Variants in HDAC3 observed in about 807,000 individuals in gnomAD.
HDAC3 encodes the protein histone deacetylase 3.
In HDAC3, 21 loss-of-function variants were observed where a neutral mutation model predicts 62.3. The observed-to-expected ratio is 0.34, with a 90% CI of 0.24 to 0.49. HDAC3 has a LOEUF of 0.49. Among genes scored for constraint, HDAC3 ranks in the 20% least tolerant of loss-of-function variants. HDAC3 has a pLI of 0.99. For missense variants in HDAC3, 270 were observed against 556.9 expected (o/e 0.48, Z 5.19); for synonymous variants, 198 against 206.5 (o/e 0.96, Z 0.35).
intron 14 of HDAC3, chr5:141,624,952 A>G: frequency 2.4e-6 from 1 of 422,404 alleles, no homozygotes; most frequent in South Asian, 3.5e-5. Flanking sequence ...AAAAACTATT[A>G]ACAGTGGTTA....
chr5:141,626,005 G>T lies in HDAC3; in HGVS notation c.979+8C>A. The stretch of plus-strand genomic sequence containing the variant: ...CCTGTTATGGGGGTGTTGTGGGGTG[G>T]TCCTTACCACTATAGGGAAGCTCCT... On this transcript the variant is annotated splice_region_variant and intron_variant, in intron 12 of 14. Transcript: ENST00000305264. The surrounding 1 kb of genome is among the most constrained non-coding windows in gnomAD (Gnocchi z 4.6). The T allele has an allele frequency of 1.2e-6, 2 of 1,610,936 alleles. No homozygotes were observed. Among genetic ancestry groups the T allele is most frequent in the Non-Finnish European group, 1.7e-6 (2 of 1,177,162 alleles).
In HDAC3 at chr5:141,628,589, C is replaced by G. The variant is rs374747159; in HGVS notation, c.661G>C (p.Val221Leu). 1 of 1,613,982 alleles carries G rather than the reference C, an allele frequency of 6.2e-7. No homozygotes were observed. The highest frequency in any genetic ancestry group is 1.7e-5 in the Admixed American group (1 of 60,002). ...TCATCAATGCCATCCCGCAGGGGCA[C>G]GTTCAGACAGTAGTAGCGGCCACTC... ...AESGRYYCLNVPLRDGIDDQS... is the reference protein window; with the variant it reads ...AESGRYYCLNLPLRDGIDDQS... Residue 221 changes from valine to leucine, a missense_variant, in exon 8 of 15, where the codon GTG (valine) becomes CTG (leucine). Val to Leu is a conservative substitution (Grantham distance 32). Coordinates refer to ENST00000305264, the MANE Select transcript of HDAC3 (RefSeq NM_003883.4). This position sits in a 1 kb window ranked among gnomAD's most constrained non-coding sequence, Gnocchi z 4.7.
chr5:141,628,238 C>T lies in HDAC3; in HGVS notation c.692-51G>A. 1 of 1,513,220 alleles carries T rather than the reference C, an allele frequency of 6.6e-7. No individual in the cohort carries two copies. The highest frequency in any genetic ancestry group is 9.2e-7 in the Non-Finnish European group (1 of 1,088,796). The allele number at this position is 1,513,220 out of a possible 1,614,324, so 93.7% of individuals were successfully genotyped here. ...CTGGCACCCCAAGGGGATGGGGAGACAGGGAACAAAAGGAAAAAGGGGGTT... is the reference window on the plus strand; with the variant it reads ...CTGGCACCCCAAGGGGATGGGGAGATAGGGAACAAAAGGAAAAAGGGGGTT... On this transcript the variant is annotated intron_variant, in intron 8 of 14. Transcript: ENST00000305264. The surrounding 1 kb of genome is among the most constrained non-coding windows in gnomAD (Gnocchi z 4.7).
In HDAC3 at chr5:141,628,886, T is replaced by A. The variant is rs1040388311; in HGVS notation, c.611-247A>T. On this transcript the variant is annotated intron_variant, in intron 7 of 14. Transcript: ENST00000305264. This position sits in a 1 kb window ranked among gnomAD's most constrained non-coding sequence, Gnocchi z 4.7. ...AATGGAACTAATGAAATTTACGATATCCCACCACGCTTATATTCTTAGGGA... is the reference window on the plus strand; with the variant it reads ...AATGGAACTAATGAAATTTACGATAACCCACCACGCTTATATTCTTAGGGA... Among the ~76,000 whole-genome samples, 1 of 152,112 alleles carries A rather than the reference T, an allele frequency of 6.6e-6. No homozygotes were observed. The highest frequency in any genetic ancestry group is 1.5e-5 in the Non-Finnish European group (1 of 68,032).
intron 10 of HDAC3, among the ~76,000 whole-genome samples, chr5:141,627,369 G>A (rs1033291468): frequency 6.6e-6 from 1 of 152,242 alleles, no homozygotes; most frequent in East Asian, 1.9e-4. Flanking sequence ...TGTGCCACTG[G>A]GCCCAGCCCT....
At chr5:141,634,749 A>C in intron 3 of HDAC3, 62 bp downstream of exon 3, 1 of 1,549,842 alleles carries the variant, frequency 6.5e-7, no homozygotes, top group East Asian at 2.3e-5. Flanking sequence ...TGCTGCCAAA[A>C]GACCTCACTG....
At chr5:141,633,718 C>T (rs1027209737) in intron 3 of HDAC3, among the ~76,000 whole-genome samples, 3 of 149,598 alleles carry the variant, frequency 2.0e-5, no homozygotes, top group Non-Finnish European at 4.4e-5. Context: ...CCCAGCTACT[C>T]GGGAGTCTGA....
chr5:141,635,526 A>G lies in HDAC3; in HGVS notation c.139-573T>C, dbSNP rs150691878. Among the ~76,000 whole-genome samples, 6 of 152,342 alleles carry G rather than the reference A, an allele frequency of 3.9e-5. No homozygotes were observed. The East Asian group carries it at 9.7e-4, about 25-fold the overall frequency. The stretch of plus-strand genomic sequence containing the variant: ...CCTCAGTCTTTTCTATGACCAGTCC[A>G]TTTGTCTGTGCCTTGGCACAAGCAA... On this transcript the variant is annotated intron_variant, in intron 2 of 14. Coordinates refer to ENST00000305264, the MANE Select transcript of HDAC3 (RefSeq NM_003883.4).
In HDAC3 at chr5:141,628,295, C is replaced by T; in HGVS notation, c.692-108G>A. The T allele has an allele frequency of 1.1e-6, 1 of 921,560 alleles. No homozygotes were observed. Among genetic ancestry groups the T allele is most frequent in the Non-Finnish European group, 1.7e-6 (1 of 577,782 alleles). 57.1% of individuals were successfully genotyped at this position (921,560 alleles called of 1,614,324 possible). On this transcript the variant is annotated intron_variant, in intron 8 of 14. Transcript: ENST00000305264. The surrounding 1 kb of genome is among the most constrained non-coding windows in gnomAD (Gnocchi z 4.7). ...GCATGTAGCCCAGGAAAGGGGCCAC[C>T]CAAAAGAATCAAATCACTGGTCTGA...
chr5:141,627,016 A>C (rs2099904530), intron 10 of HDAC3, among the ~76,000 whole-genome samples: 1 of 151,894 alleles, frequency 6.6e-6, no homozygotes, highest in African/African-American at 2.4e-5. Flanking sequence ...AAAATCCTTC[A>C]ATGGTTTCCC....
intron 3 of HDAC3, among the ~76,000 whole-genome samples, chr5:141,632,241 T>G (rs1596444105): frequency 6.6e-6 from 1 of 152,402 alleles, no homozygotes; most frequent in South Asian, 2.1e-4. Context: ...GCCAGGCTGG[T>G]CTTGAACTCC....
At chr5:141,624,291 T>A (rs1407022699) in intron 14 of HDAC3, among the ~76,000 whole-genome samples, 2 of 141,730 alleles carry the variant, frequency 1.4e-5, no homozygotes, top group Non-Finnish European at 3.0e-5. Context: ...ATCCCAGCAC[T>A]TTGGAAGGCT....
At chr5:141,627,636 C>T (rs1249959506) in intron 10 of HDAC3, among the ~76,000 whole-genome samples, 1 of 152,150 alleles carries the variant, frequency 6.6e-6, no homozygotes, top group Admixed American at 6.6e-5. Flanking sequence ...ACTGTAAACT[C>T]CATGGGAGAC....
Position 141,626,355 on chromosome 5 carries a change from C to A in HDAC3, c.831-72G>T. The A allele has an allele frequency of 1.9e-6, 2 of 1,059,584 alleles. No individual in the cohort carries two copies. The highest frequency in any genetic ancestry group is 2.4e-5 in the East Asian group (1 of 41,014). The allele number at this position is 1,059,584 out of a possible 1,614,324, so 65.6% of individuals were successfully genotyped here. The stretch of plus-strand genomic sequence containing the variant: ...CAAGGTAAATACCTTTAGGTATTGC[C>A]TGAAAGGAGCACAAGAAAACTATAA... On this transcript the variant is annotated intron_variant, in intron 10 of 14. Coordinates refer to ENST00000305264, the MANE Select transcript of HDAC3 (RefSeq NM_003883.4). This position sits in a 1 kb window ranked among gnomAD's most constrained non-coding sequence, Gnocchi z 4.6.
At chr5:141,630,250 C>T (rs573787293) in intron 3 of HDAC3, 125 bp from the exon 4 acceptor site, 14 of 855,484 alleles carry the variant, frequency 1.6e-5, no homozygotes, top group East Asian at 1.3e-4. Flanking sequence ...CTCCTACACA[C>T]GTGGGCTATC....
rs754703910 is a variant in HDAC3, at chr5:141,636,822, C to G, written c.-32G>C. On this transcript the variant is annotated 5_prime_UTR_variant, in exon 1 of 15. Transcript: ENST00000305264. ...GGCGGGAGCAGGCCCCGCACCTCCG[C>G]CGCCCGCCGCCCGCGGCCGCCGCCA... 6.8e-7 allele frequency: 1 copy of G among 1,480,896 alleles called. No homozygotes were observed. Among genetic ancestry groups the G allele is most frequent in the Admixed American group, 2.5e-5 (1 of 39,572 alleles). The allele number at this position is 1,480,896 out of a possible 1,614,324, so 91.7% of individuals were successfully genotyped here. A position where few individuals can be genotyped will look rare whatever the true frequency, so the allele number is the denominator to read the frequency against.
chr5:141,630,149 G>A (rs764724585), intron 3 of HDAC3, 24 bp from the exon 4 acceptor site: 1 of 1,608,756 alleles, frequency 6.2e-7, no homozygotes, highest in Non-Finnish European at 8.5e-7. Flanking sequence ...GAACAAGTTG[G>A]AACCCTCCTG....
chr5:141,628,396 C>T lies in HDAC3; in HGVS notation c.691+163G>A. ...GACTTTTCCCAGAAAAATGCACATA[C>T]ACATGATATGTTGCATACAATTTCC... is the stretch of plus-strand genomic sequence containing the variant. On this transcript the variant is annotated intron_variant, in intron 8 of 14. Transcript: ENST00000305264. This position sits in a 1 kb window ranked among gnomAD's most constrained non-coding sequence, Gnocchi z 4.7. The T allele has an allele frequency of 1.4e-6, 1 of 734,668 alleles. No homozygotes were observed. Among genetic ancestry groups the T allele is most frequent in the Non-Finnish European group, 2.4e-6 (1 of 421,156 alleles). The allele number at this position is 734,668 out of a possible 1,614,324, so 45.5% of individuals were successfully genotyped here. A position where few individuals can be genotyped will look rare whatever the true frequency, so the allele number is the denominator to read the frequency against.
chr5:141,629,901 T>C lies in HDAC3; in HGVS notation c.379A>G (p.Ile127Val), dbSNP rs771064017. 9.3e-6 allele frequency: 15 copies of C among 1,614,092 alleles called. No individual in the cohort carries two copies. Among genetic ancestry groups the C allele is most frequent in the Admixed American group, 1.7e-5 (1 of 60,000 alleles). The change falls in exon 5 of 15, where the codon ATT becomes GTT. Residue 127 changes from isoleucine (I) to valine (V), a missense_variant. Coordinates refer to ENST00000305264, the MANE Select transcript of HDAC3 (RefSeq NM_003883.4). This position sits in a 1 kb window ranked among gnomAD's most constrained non-coding sequence, Gnocchi z 5.3. ...QLNNKICDIA[I>V]NWAGGLHHAK... Reference sequence around the variant, plus strand: ...TGGTGCAGACCACCAGCCCAGTTAATGGCAATATCACAGATCTGAAAGACA... The same window carrying C: ...TGGTGCAGACCACCAGCCCAGTTAACGGCAATATCACAGATCTGAAAGACA...
Sources: allele counts gnomAD v4.1 joint callset (sites outside exome capture counted in the v4.1 genomes callset), GRCh38; gene constraint gnomAD v4.1.1; non-coding constraint Gnocchi (gnomAD v3.1); transcripts MANE v1.5; gene names NCBI Gene and HGNC (gene_info 2026-07-23, HGNC 2026-07-21).